SLC41A3: variants seen among roughly 807,000 people sequenced by gnomAD.
SLC41A3 encodes SLC41A1-like 2.
In SLC41A3, 44 loss-of-function variants were observed where a neutral mutation model predicts 45.4. The observed-to-expected ratio is 0.97, with a 90% confidence interval of 0.76 to 1.25. The LOEUF (loss-of-function observed/expected upper bound fraction) is 1.25. SLC41A3 is among the 50% of genes most tolerant of loss of function. The pLI is 0.00. For synonymous variants in SLC41A3, 256 were observed against 252.4 expected (o/e 1.01, Z -0.13); for missense variants, 550 against 600.6 (o/e 0.92, Z 0.88).
At chr3:126,007,469 G>A (rs1939220516) in intron 10 of SLC41A3, among the ~76,000 whole-genome samples, 1 of 152,176 alleles carries the variant, frequency 6.6e-6, no homozygotes, top group South Asian at 2.1e-4. Context: ...GCACCCTGAA[G>A]GGCCAATCAG....
intron 2 of SLC41A3, among the ~76,000 whole-genome samples, chr3:126,057,436 C>A (rs1276726948): frequency 6.6e-6 from 1 of 152,246 alleles, no homozygotes; most frequent in Non-Finnish European, 1.5e-5. Flanking sequence ...TCTGCGCATT[C>A]CACAGGCACC....
At chr3:126,028,628 C>T (rs1343575434) in intron 4 of SLC41A3, among the ~76,000 whole-genome samples, 1 of 152,252 alleles carries the variant, frequency 6.6e-6, no homozygotes, top group East Asian at 1.9e-4. Context: ...GGGGCACTGC[C>T]TAGTGAAGCT....
At chr3:126,079,136 G>A (rs933998792) in intron 1 of SLC41A3, 1 of 151,968 alleles carries the variant, frequency 6.6e-6, no homozygotes, top group Non-Finnish European at 1.5e-5. Context: ...TGGATGTCCT[G>A]AGCAACCAGG....
At chr3:126,039,444 T>G (rs975423718) in intron 3 of SLC41A3, among the ~76,000 whole-genome samples, 1 of 152,210 alleles carries the variant, frequency 6.6e-6, no homozygotes, top group Non-Finnish European at 1.5e-5. Context: ...ATGGTTAAAC[T>G]GAGATTGTGC....
chr3:126,055,267 C>A (rs1016231767), intron 2 of SLC41A3, among the ~76,000 whole-genome samples: 23 of 152,278 alleles, frequency 1.5e-4, no homozygotes, highest in African/African-American at 5.3e-4. Context: ...GTAATCCCAG[C>A]ACTTTGGGAG....
chr3:126,044,571 A>G (rs549259222), intron 3 of SLC41A3, among the ~76,000 whole-genome samples: 24 of 152,324 alleles, frequency 1.6e-4, no homozygotes, highest in African/African-American at 5.8e-4. Context: ...TTAGGCCATG[A>G]AACCAGTCTT....
rs557913213 is a variant in SLC41A3, at chr3:126,097,268, G to A, written c.-79+4161C>T. On this transcript the variant is annotated intron_variant, in intron 1 of 9. Transcript: ENST00000508835. ...CCTTTTTCCAGTGGAGTGTGCCCCC[G>A]GAAGATCATACTTCACCATGTTTTG... Among the ~76,000 whole-genome samples, 243 of 152,212 alleles carry A rather than the reference G, an allele frequency of 1.6e-3. 2 individuals are homozygous for A. The highest frequency in any genetic ancestry group is 5.5e-3 in the African/African-American group (227 of 41,522).
At chr3:126,040,325 C>A (rs1254077312) in intron 3 of SLC41A3, among the ~76,000 whole-genome samples, 2 of 152,064 alleles carry the variant, frequency 1.3e-5, no homozygotes, top group Non-Finnish European at 2.9e-5. Flanking sequence ...TTAAAATGCA[C>A]AAGAGTGCTG....
chr3:126,027,113 G>T (rs1486847156), intron 4 of SLC41A3, among the ~76,000 whole-genome samples: 1 of 152,128 alleles, frequency 6.6e-6, no homozygotes, highest in Non-Finnish European at 1.5e-5. Context: ...CACCATGTAG[G>T]GGGAGAAGAG....
intron 9 of SLC41A3, among the ~76,000 whole-genome samples, chr3:126,010,340 C>T (rs555595148): frequency 6.6e-5 from 10 of 152,240 alleles, no homozygotes; most frequent in East Asian, 3.9e-4. Context: ...GGTATGGTGG[C>T]GCACACCTGT....
intron 2 of SLC41A3, among the ~76,000 whole-genome samples, chr3:126,059,591 G>A (rs1326245879): frequency 1.3e-5 from 2 of 152,228 alleles, no homozygotes; most frequent in Non-Finnish European, 2.9e-5. Flanking sequence ...AGTTTCCCAA[G>A]ATCACACAGC....
intron 9 of SLC41A3, among the ~76,000 whole-genome samples, chr3:126,009,648 A>G (rs1939493714): frequency 6.6e-6 from 1 of 152,260 alleles, no homozygotes; most frequent in African/African-American, 2.4e-5. Flanking sequence ...TAAAAGGAGA[A>G]AAAAGGTCAC....
chr3:126,076,584 TATGAG>T (rs1035216014), intron 1 of SLC41A3, among the ~76,000 whole-genome samples: 1 of 152,188 alleles, frequency 6.6e-6, no homozygotes, highest in Non-Finnish European at 1.5e-5. Context: ...ATGAATCATT[TATGAG>T]ATAATATTAA....
Position 126,010,141 on chromosome 3 carries a change from G to C in SLC41A3, c.1106-1261C>G, listed in dbSNP as rs540028156. On this transcript the variant is annotated intron_variant, in intron 9 of 10. Transcript: ENST00000360370. ...CCTCACATAACCAAGACTGAGTCCTGGCCTCAGCCATCAAGAAATGCAGAT... is the reference window on the plus strand; with the variant it reads ...CCTCACATAACCAAGACTGAGTCCTCGCCTCAGCCATCAAGAAATGCAGAT... Among the ~76,000 whole-genome samples the C allele has an allele frequency of 3.9e-5, 6 of 152,202 alleles. No homozygotes were observed. In the East Asian group the frequency reaches 1.2e-3, roughly 29 times the overall value.
At chr3:126,007,347 C>T (rs1037275687) in intron 10 of SLC41A3, 122 bp from the exon 11 acceptor site, 28 of 1,011,632 alleles carry the variant, frequency 2.8e-5, no homozygotes, top group Non-Finnish European at 4.1e-5. Context: ...AGCCAGCCTC[C>T]TTCATCCAGC....
chr3:126,055,453 G>T (rs1162015017), intron 2 of SLC41A3, among the ~76,000 whole-genome samples: 1 of 152,158 alleles, frequency 6.6e-6, no homozygotes, highest in East Asian at 1.9e-4. Flanking sequence ...GGCGGAGGTT[G>T]CAGTGAGCCG....
In SLC41A3 at chr3:126,022,862, G is replaced by A; in HGVS notation, c.669C>T (p.Pro223=). 6.2e-7 allele frequency: 1 copy of A among 1,614,212 alleles called. No homozygotes were observed. The highest frequency in any genetic ancestry group is 1.1e-5 in the South Asian group (1 of 91,082). ...LGVNPDNIAT[P]IAASLGDLIT... The stretch of plus-strand genomic sequence containing the variant: ...TGAGGTCTCCCAGGCTGGCTGCAAT[G>A]GGCGTGGCAATGTTGTCTGGGTTGA... Residue 223 remains proline (P), a synonymous_variant, in exon 6 of 11, where the codon CCC becomes CCT. Transcript: ENST00000360370.
chr3:126,019,505 A>G (rs1353147448), intron 6 of SLC41A3, among the ~76,000 whole-genome samples: 2 of 152,200 alleles, frequency 1.3e-5, no homozygotes, highest in Non-Finnish European at 2.9e-5. Flanking sequence ...TGCCAGCATC[A>G]ACTCAAAAGC....
intron 2 of SLC41A3, among the ~76,000 whole-genome samples, chr3:126,063,452 T>C (rs1228306986): frequency 1.3e-5 from 2 of 152,144 alleles, no homozygotes; most frequent in Non-Finnish European, 2.9e-5. Flanking sequence ...AGGAAGTCCC[T>C]GATAAAGAGC....
Sources: allele counts gnomAD v4.1 joint callset (sites outside exome capture counted in the v4.1 genomes callset), GRCh38; gene constraint gnomAD v4.1.1; transcripts MANE v1.5; gene names NCBI Gene and HGNC (gene_info 2026-07-23, HGNC 2026-07-21).